The following DOCK8 variants were observed in gnomAD, a reference collection of about 807,000 sequenced individuals.
DOCK8 encodes the protein dedicator of cytokinesis 8.
A neutral mutation model predicts 245.6 loss-of-function variants in DOCK8; 141 were observed. The ratio of observed to expected loss-of-function variants is 0.57; its 90% CI spans 0.50 to 0.66. The LOEUF (loss-of-function observed/expected upper bound fraction) is 0.66. Ranked by LOEUF, DOCK8 falls within the 30% of genes least tolerant of loss-of-function variation. DOCK8 has a pLI of 0.00. For missense variants in DOCK8, 2,965 were observed against 2,603.4 expected (o/e 1.14, Z -3.02); for synonymous variants, 1,168 against 970.2 (o/e 1.20, Z -3.79).
intron 23 of DOCK8, among the ~76,000 whole-genome samples, chr9:389,503 C>G (rs1408804707): frequency 6.6e-6 from 1 of 152,164 alleles, no homozygotes; most frequent in African/African-American, 2.4e-5. Context: ...CCCACAATGC[C>G]ATATGGGCAT....
intron 28 of DOCK8, among the ~76,000 whole-genome samples, chr9:411,299 T>A (rs1180921814): frequency 6.6e-6 from 1 of 151,812 alleles, no homozygotes; most frequent in African/African-American, 2.4e-5. Flanking sequence ...TGTAATCCCA[T>A]CTACTCGGGA....
chr9:315,760 C>T (rs1204512516), intron 6 of DOCK8, among the ~76,000 whole-genome samples: 2 of 152,124 alleles, frequency 1.3e-5, no homozygotes, highest in African/African-American at 4.8e-5. Flanking sequence ...ATTGCTCTCT[C>T]AACTTTTGTG....
chr9:444,022 A>C (rs530888724), intron 43 of DOCK8, among the ~76,000 whole-genome samples: 1 of 152,178 alleles, frequency 6.6e-6, no homozygotes, highest in African/African-American at 2.4e-5. Flanking sequence ...TTTAGGCTGC[A>C]AGTATTCCTT....
intron 39 of DOCK8, among the ~76,000 whole-genome samples, chr9:435,974 T>A (rs990349949): frequency 1.5e-4 from 23 of 152,356 alleles, no homozygotes; most frequent in African/African-American, 5.3e-4. Context: ...TTGTTTGAAT[T>A]TACATGGCTG....
chr9:397,004 AAAAT>A, intron 25 of DOCK8, 70 bp downstream of exon 25: 2 of 1,473,034 alleles, frequency 1.4e-6, no homozygotes, highest in Non-Finnish European at 1.9e-6. Flanking sequence ...TAATCAGAGA[AAAAT>A]AAGCATCATT....
intron 4 of DOCK8, among the ~76,000 whole-genome samples, chr9:304,166 A>G (rs2049695245): frequency 6.6e-6 from 1 of 152,230 alleles, no homozygotes; most frequent in Non-Finnish European, 1.5e-5. Flanking sequence ...ATTATTAAGA[A>G]CATTGATGTG....
intron 27 of DOCK8, 91 bp downstream of exon 27, chr9:405,164 C>CT: frequency 7.4e-7 from 1 of 1,347,016 alleles, no homozygotes; most frequent in Non-Finnish European, 1.0e-6. Flanking sequence ...AAAGGTTAGT[C>CT]TTATTAATTT....
At chr9:437,737 T>A (rs1007539625) in intron 39 of DOCK8, among the ~76,000 whole-genome samples, 1 of 152,220 alleles carries the variant, frequency 6.6e-6, no homozygotes, top group Non-Finnish European at 1.5e-5. Flanking sequence ...AACTTTGAGG[T>A]CACTGAATTC....
In DOCK8 at chr9:398,837, T is replaced by TA. The variant is rs139884951; in HGVS notation, c.3121-301dup. On this transcript the variant is annotated intron_variant, in intron 25 of 47. Coordinates refer to ENST00000432829, the MANE Select transcript of DOCK8 (RefSeq NM_203447.4). The stretch of plus-strand genomic sequence containing the variant: ...TACAAAAAAAAAAGTTACCAGGATA[T>TA]AAAAAAAAGTAGGATCCAACATAGT... Among the ~76,000 whole-genome samples, 615 of 149,070 alleles carry TA rather than the reference T, an allele frequency of 4.1e-3. 4 individuals carry two copies. The highest frequency in any genetic ancestry group is 0.014 in the African/African-American group (588 of 40,610).
chr9:237,673 A>T (rs2047287005), intron 1 of DOCK8, among the ~76,000 whole-genome samples: 1 of 152,138 alleles, frequency 6.6e-6, no homozygotes, highest in African/African-American at 2.4e-5. Context: ...TAATAATAAA[A>T]TAAAATCTAA....
intron 14 of DOCK8, among the ~76,000 whole-genome samples, chr9:352,877 G>A (rs1055176565): frequency 6.6e-6 from 1 of 152,122 alleles, no homozygotes; most frequent in Non-Finnish European, 1.5e-5. Context: ...TAGGGAGTGG[G>A]AACACTTCTT....
At chr9:343,521 C>T (rs968770885) in intron 14 of DOCK8, among the ~76,000 whole-genome samples, 1 of 151,928 alleles carries the variant, frequency 6.6e-6, no homozygotes, top group African/African-American at 2.4e-5. Flanking sequence ...TAAAATTATA[C>T]TGAGAAATAC....
At chr9:252,317 C>T (rs1169383755) in intron 1 of DOCK8, among the ~76,000 whole-genome samples, 1 of 151,940 alleles carries the variant, frequency 6.6e-6, no homozygotes, top group African/African-American at 2.4e-5. Flanking sequence ...CTCTGAGTCT[C>T]TCTGTGTGTC....
intron 1 of DOCK8, among the ~76,000 whole-genome samples, chr9:266,793 G>A (rs570221148): frequency 4.6e-5 from 7 of 152,156 alleles, no homozygotes; most frequent in Non-Finnish European, 8.8e-5. Context: ...GGAGAATAAA[G>A]AGGATAATAT....
In DOCK8 at chr9:426,868, C is replaced by T. The variant is rs547731128; in HGVS notation, c.4242-17C>T. 5.0e-6 allele frequency: 8 copies of T among 1,611,890 alleles called. No homozygotes were observed. In the East Asian group the frequency reaches 1.8e-4, roughly 36 times the overall value. On this transcript the variant is annotated splice_polypyrimidine_tract_variant and intron_variant, in intron 33 of 47. Transcript: ENST00000432829. ...GGTTTGACATGCGCTTTAATTTGAC[C>T]TCTTGTTGTTTCCTAGAACAAAGGC...
chr9:382,679 T>G lies in DOCK8; in HGVS notation c.2772T>G (p.Ser924=). The change falls in exon 22 of 48, where the codon TCT becomes TCG. Residue 924 remains serine, a synonymous_variant. Coordinates refer to ENST00000432829, the MANE Select transcript of DOCK8 (RefSeq NM_203447.4). ...ACGAGGAAGTGAAGAACATCATGTC[T>G]TCAAAGGTAGGAAAGATGTCAAACC... is the stretch of plus-strand genomic sequence containing the variant. ...AADEEVKNIM[S]SKIADRNCSR... 4 of 1,614,116 alleles carry G rather than the reference T, an allele frequency of 2.5e-6. No homozygotes were observed. In the South Asian group the frequency reaches 4.4e-5, roughly 18 times the overall value.
rs117634671 is a variant in DOCK8 at position 221,494 on chromosome 9, A to G, written c.53+6465A>G. ...TAGCATTTACATTGTGTTAAGTATT[A>G]TAAATAATCTAGAGATGATTTAAAG... On this transcript the variant is annotated intron_variant, in intron 1 of 47. Coordinates refer to ENST00000432829, the MANE Select transcript of DOCK8 (RefSeq NM_203447.4). 4.7e-3 allele frequency among the ~76,000 whole-genome samples: 716 copies of G among 152,248 alleles called. 5 individuals carry two copies. The highest frequency in any genetic ancestry group is 8.9e-3 in the South Asian group (43 of 4,828).
chr9:429,654 G>A (rs770732325), intron 35 of DOCK8, 48 bp from the exon 36 acceptor site: 4 of 1,611,342 alleles, frequency 2.5e-6, no homozygotes, highest in Admixed American at 1.7e-5. Flanking sequence ...TCCAGAAAGT[G>A]TATCAAACTG....
In DOCK8 at chr9:256,805, G is replaced by C. The variant is rs944530275; in HGVS notation, c.54-14822G>C. 7.2e-5 allele frequency among the ~76,000 whole-genome samples: 11 copies of C among 152,298 alleles called. No individual in the cohort carries two copies. The South Asian group carries it at 8.3e-4, about 11-fold the overall frequency. ...GTGCACATCAGAATAGAAGCTTCAT[G>C]AGGGCAGAGGCTTTTGTCTGCTTTC... On this transcript the variant is annotated intron_variant, in intron 1 of 47. Coordinates refer to ENST00000432829, the MANE Select transcript of DOCK8 (RefSeq NM_203447.4).
Sources: allele counts gnomAD v4.1 joint callset (sites outside exome capture counted in the v4.1 genomes callset), GRCh38; gene constraint gnomAD v4.1.1; transcripts MANE v1.5; gene names NCBI Gene and HGNC (gene_info 2026-07-23, HGNC 2026-07-21).